Variants in GALNTL6 observed in about 807,000 individuals in gnomAD.
GALNTL6 encodes polypeptide N-acetylgalactosaminyltransferase like 6, also known as polypeptide N-acetylgalactosaminyltransferase-like 6.
GALNTL6 carries 46 observed loss-of-function variants against 73.7 expected under a neutral mutation model. The ratio of observed to expected loss-of-function variants is 0.62; its 90% CI spans 0.49 to 0.80. The LOEUF (loss-of-function observed/expected upper bound fraction) is 0.80, where lower values mean the gene tolerates loss of function less well. Ranked by LOEUF, GALNTL6 falls within the 30% of genes least tolerant of loss-of-function variation. GALNTL6 has a pLI of 0.00. For missense variants in GALNTL6, 604 were observed against 755.0 expected, an observed-to-expected ratio of 0.80 and a Z score of 2.34; for synonymous variants, 259 against 263.7, an observed-to-expected ratio of 0.98 and a Z score of 0.17.
chr4:172,846,644 T>G (rs1179142984), intron 7 of GALNTL6, among the ~76,000 whole-genome samples: 1 of 152,210 alleles, frequency 6.6e-6, no homozygotes, highest in Non-Finnish European at 1.5e-5. Flanking sequence ...ATTGGTAGTC[T>G]AGTAGCATGA....
chr4:172,863,310 C>T (rs1335257554), intron 7 of GALNTL6, among the ~76,000 whole-genome samples: 1 of 152,180 alleles, frequency 6.6e-6, no homozygotes, highest in Admixed American at 6.5e-5. Context: ...CCACTCACAG[C>T]TTCCACCATG....
chr4:172,712,402 A>G (rs1382996521), intron 5 of GALNTL6, among the ~76,000 whole-genome samples: 5 of 152,092 alleles, frequency 3.3e-5, no homozygotes, highest in Non-Finnish European at 7.4e-5. Context: ...GTATCTCGTC[A>G]TTTAGCATTA....
At chr4:172,410,803 CTT>C (rs1380207136) in intron 5 of GALNTL6, among the ~76,000 whole-genome samples, 1 of 151,990 alleles carries the variant, frequency 6.6e-6, no homozygotes, top group African/African-American at 2.4e-5. Flanking sequence ...TTATTTCTCA[CTT>C]TATTTTCTGG....
At chr4:172,954,418 C>T (rs541136906) in intron 10 of GALNTL6, among the ~76,000 whole-genome samples, 1 of 152,304 alleles carries the variant, frequency 6.6e-6, no homozygotes, top group East Asian at 1.9e-4. Flanking sequence ...TCCCTGGAGA[C>T]ATTTGCATTC....
intron 5 of GALNTL6, among the ~76,000 whole-genome samples, chr4:172,377,767 A>T (rs1332125877): frequency 6.6e-6 from 1 of 152,098 alleles, no homozygotes; most frequent in African/African-American, 2.4e-5. Context: ...CCCTCCGCAG[A>T]CGCTGGCCCA....
chr4:172,073,952 A>G (rs1421705010), intron 2 of GALNTL6, among the ~76,000 whole-genome samples: 2 of 152,166 alleles, frequency 1.3e-5, no homozygotes, highest in African/African-American at 4.8e-5. Context: ...TGACATCCAG[A>G]GATCAGATTC....
At chr4:172,407,515 A>G (rs1391343235) in intron 5 of GALNTL6, among the ~76,000 whole-genome samples, 4 of 152,186 alleles carry the variant, frequency 2.6e-5, no homozygotes, top group Admixed American at 1.3e-4. Context: ...TCATATATCA[A>G]TGCTTCACTG....
chr4:172,279,212 G>A lies in GALNTL6; in HGVS notation c.248-32402G>A, dbSNP rs1406916366. Among the ~76,000 whole-genome samples the A allele has an allele frequency of 5.9e-5, 9 of 151,984 alleles. No homozygotes were observed. In the East Asian group the frequency reaches 1.7e-3, roughly 29 times the overall value. ...CACAGGCAACAAAAGAAAAAAATAG[G>A]TAAATTGGACTACATCAAAATTATA... On this transcript the variant is annotated intron_variant, in intron 3 of 12. Coordinates refer to ENST00000506823, the MANE Select transcript of GALNTL6 (RefSeq NM_001034845.3).
intron 11 of GALNTL6, among the ~76,000 whole-genome samples, chr4:173,011,545 T>TG (rs951698836): frequency 1.6e-4 from 24 of 152,194 alleles, no homozygotes; most frequent in Non-Finnish European, 1.8e-4. Context: ...TGACAAGAGA[T>TG]GGGGTCAATC....
At chr4:172,454,515 C>T (rs1199780483) in intron 5 of GALNTL6, among the ~76,000 whole-genome samples, 1 of 152,212 alleles carries the variant, frequency 6.6e-6, no homozygotes, top group African/African-American at 2.4e-5. Flanking sequence ...CTTCTGGGCT[C>T]TTGCCAAATC....
chr4:172,448,638 G>A (rs1732108838), intron 5 of GALNTL6, among the ~76,000 whole-genome samples: 3 of 152,124 alleles, frequency 2.0e-5, no homozygotes, highest in Admixed American at 2.0e-4. Context: ...GAAAAGTTTA[G>A]ATATTATTGA....
At chr4:171,858,607 A>C (rs1262126649) in intron 2 of GALNTL6, among the ~76,000 whole-genome samples, 1 of 152,110 alleles carries the variant, frequency 6.6e-6, no homozygotes, top group East Asian at 1.9e-4. Context: ...TATGCAATAC[A>C]ATTTGATGGC....
At chr4:172,682,525 G>A (rs1732684833) in intron 5 of GALNTL6, among the ~76,000 whole-genome samples, 1 of 152,118 alleles carries the variant, frequency 6.6e-6, no homozygotes, top group South Asian at 2.1e-4. Flanking sequence ...AAAATGACAG[G>A]ATACCCACTA....
At chr4:172,708,891 G>A (rs956516989) in intron 5 of GALNTL6, among the ~76,000 whole-genome samples, 1 of 152,032 alleles carries the variant, frequency 6.6e-6, no homozygotes, top group African/African-American at 2.4e-5. Flanking sequence ...TTGTGCATTT[G>A]TTATTTGAGA....
intron 3 of GALNTL6, among the ~76,000 whole-genome samples, chr4:172,283,779 C>T (rs1480193888): frequency 5.9e-5 from 9 of 152,030 alleles, no homozygotes; most frequent in Non-Finnish European, 1.3e-4. Flanking sequence ...TGGATTACAA[C>T]TTCCAAGTTA....
intron 2 of GALNTL6, among the ~76,000 whole-genome samples, chr4:172,081,512 C>G (rs1731878680): frequency 6.6e-6 from 1 of 152,190 alleles, no homozygotes; most frequent in Non-Finnish European, 1.5e-5. Flanking sequence ...GTAGCGCATG[C>G]CTGTAATCCC....
At chr4:172,836,271 C>T (rs1742906568) in intron 7 of GALNTL6, among the ~76,000 whole-genome samples, 1 of 152,178 alleles carries the variant, frequency 6.6e-6, no homozygotes, top group Admixed American at 6.5e-5. Flanking sequence ...AGTTTTCCCA[C>T]CTGAAGAAAA....
intron 5 of GALNTL6, among the ~76,000 whole-genome samples, chr4:172,807,206 G>T (rs1741014974): frequency 6.6e-6 from 1 of 152,148 alleles, no homozygotes; most frequent in African/African-American, 2.4e-5. Flanking sequence ...GAGCAGAGGG[G>T]CAGGAGCAAA....
At chr4:172,775,431 AT>A (rs1472983306) in intron 5 of GALNTL6, among the ~76,000 whole-genome samples, 6 of 152,362 alleles carry the variant, frequency 3.9e-5, no homozygotes, top group African/African-American at 1.4e-4. Flanking sequence ...GTTACTTTTA[AT>A]ACATTGCTAA....
Sources: gnomAD v4.1 joint callset for allele counts (sites outside exome capture counted in the v4.1 genomes callset) on GRCh38, gnomAD v4.1.1 for gene constraint, MANE v1.5 for transcripts, NCBI Gene and HGNC (gene_info 2026-07-23, HGNC 2026-07-21) for gene names.